Variants in GLRA2 observed in about 807,000 individuals in gnomAD.
GLRA2 encodes the protein glycine receptor subunit alpha-2.
A neutral mutation model predicts 31.6 loss-of-function variants in GLRA2; 11 were observed. The observed-to-expected ratio is 0.35, with a 90% confidence interval of 0.22 to 0.58. GLRA2 has a LOEUF of 0.58. Among genes scored for constraint, GLRA2 ranks in the 20% least tolerant of loss-of-function variants. The pLI is 0.84. For missense variants in GLRA2, 212 were observed against 351.8 expected (o/e 0.60, Z 3.18); for synonymous variants, 132 against 134.0 (o/e 0.99, Z 0.10).
At chrX:14,597,293 C>T (rs1162291691) in intron 4 of GLRA2, among the ~76,000 whole-genome samples, 1 of 112,065 alleles carries the variant, frequency 8.9e-6, no homozygotes, top group Non-Finnish European at 1.9e-5. Context: ...CAATAAATGT[C>T]TCACCTATCT....
At chrX:14,521,830 ATACCT>A in the GLRA2 span, among the ~76,000 whole-genome samples, 1 of 112,474 alleles carries the variant, frequency 8.9e-6, no homozygotes, top group Middle Eastern at 4.6e-3. Flanking sequence ...AATAATGCAC[ATACCT>A]TAATTTAAAA....
At chrX:14,718,627 T>C (rs2091823664) in intron 8 of GLRA2, among the ~76,000 whole-genome samples, 1 of 112,017 alleles carries the variant, frequency 8.9e-6, no homozygotes, top group African/African-American at 3.2e-5. Context: ...CAGTCATCTG[T>C]AGACTTGTTT....
the GLRA2 span, among the ~76,000 whole-genome samples, chrX:14,469,651 T>C: frequency 1.1e-5 from 1 of 87,127 alleles, no homozygotes; most frequent in African/African-American, 4.5e-5. Flanking sequence ...ACAATGAGAA[T>C]ACATGGACAC....
intron 7 of GLRA2, among the ~76,000 whole-genome samples, chrX:14,658,846 T>C (rs1392169827): frequency 8.9e-6 from 1 of 112,464 alleles, no homozygotes; most frequent in Non-Finnish European, 1.9e-5. Flanking sequence ...TATATTCTTA[T>C]CTATCATCAC....
chrX:14,562,702 G>A (rs113385007), intron 2 of GLRA2, among the ~76,000 whole-genome samples: 1 of 111,738 alleles, frequency 8.9e-6, no homozygotes, highest in Non-Finnish European at 1.9e-5. Context: ...TCACATGGTC[G>A]TTCCTCTGTG....
chrX:14,550,819 C>G (rs151236036), intron 2 of GLRA2, among the ~76,000 whole-genome samples: 2,119 of 112,068 alleles, frequency 0.019, 44 homozygotes, highest in African/African-American at 0.065. Context: ...GTATTATGCA[C>G]AATTCTCAGA....
the GLRA2 span, among the ~76,000 whole-genome samples, chrX:14,478,494 T>C: frequency 8.9e-6 from 1 of 112,107 alleles, no homozygotes; most frequent in African/African-American, 3.2e-5. Context: ...CCTATTTGTG[T>C]GGGTGTGTTT....
chrX:14,725,905 A>G (rs1379388855), intron 8 of GLRA2, among the ~76,000 whole-genome samples: 3 of 112,636 alleles, frequency 2.7e-5, no homozygotes, highest in South Asian at 7.3e-4. Context: ...GCATGTGTTG[A>G]AACCTTGACT....
intron 2 of GLRA2, among the ~76,000 whole-genome samples, chrX:14,571,218 A>G (rs1274157866): frequency 1.8e-5 from 2 of 112,065 alleles, no homozygotes. Flanking sequence ...AATCAATTAG[A>G]TGGGGTTAAC....
intron 7 of GLRA2, among the ~76,000 whole-genome samples, chrX:14,634,277 A>C (rs1033274532): frequency 1.2e-4 from 14 of 112,172 alleles, no homozygotes; most frequent in African/African-American, 4.5e-4. Context: ...GAGGATATAG[A>C]GCCAGATCAT....
intron 7 of GLRA2, among the ~76,000 whole-genome samples, chrX:14,686,134 C>T (rs1478644277): frequency 8.9e-6 from 1 of 111,935 alleles, no homozygotes; most frequent in Non-Finnish European, 1.9e-5. Context: ...GAGTGAGTTT[C>T]TTAATCCTGA....
Position 14,712,413 on chromosome X carries a change from A to T in GLRA2, c.1081-17794A>T, listed in dbSNP as rs748355159. On this transcript the variant is annotated intron_variant, in intron 8 of 8. Transcript: ENST00000218075. The stretch of plus-strand genomic sequence containing the variant: ...CGTCTACATGTTCTAGATCCTCTCC[A>T]CTAATCGCACACTGACTTCAAGTGC... Among the ~76,000 whole-genome samples, 5 of 111,508 alleles carry T rather than the reference A, an allele frequency of 4.5e-5. No individual in the cohort carries two copies. In the East Asian group the frequency reaches 1.4e-3, roughly 31 times the overall value.
At chrX:14,710,255 C>G (rs1036214228) in intron 8 of GLRA2, among the ~76,000 whole-genome samples, 2 of 112,177 alleles carry the variant, frequency 1.8e-5, no homozygotes, top group African/African-American at 6.5e-5. Context: ...CCACTGCAAA[C>G]AGCATTGACT....
chrX:14,557,126 T>C lies in GLRA2; in HGVS notation c.203-17207T>C, dbSNP rs947304901. Reference sequence around the variant, plus strand: ...TCTTTTTTTTTTTTTTTTTTTTTTTTTTTTTTTGAGACGGAGTCTCGCTCT... The same window carrying C: ...TCTTTTTTTTTTTTTTTTTTTTTTTCTTTTTTTGAGACGGAGTCTCGCTCT... On this transcript the variant is annotated intron_variant, in intron 2 of 8. Coordinates refer to ENST00000218075, the MANE Select transcript of GLRA2 (RefSeq NM_002063.4). 7.7e-3 allele frequency among the ~76,000 whole-genome samples: 514 copies of C among 66,642 alleles called. 9 individuals are homozygous for C. Among genetic ancestry groups the C allele is most frequent in the Non-Finnish European group, 0.011 (343 of 31,738 alleles). The allele number at this position is 66,642 out of a possible 115,157, so 57.9% of individuals were successfully genotyped here. A position where few individuals can be genotyped will look rare whatever the true frequency, so the allele number is the denominator to read the frequency against.
chrX:14,507,689 C>CTTTTTTTTTTTTTTTTT, the GLRA2 span, among the ~76,000 whole-genome samples: 45 of 46,636 alleles, frequency 9.6e-4, 6 homozygotes, highest in African/African-American at 2.0e-3. Context: ...GAAAGACATT[C>CTTTTTTTTTTTTTTTTT]TTTTTTTTTT....
chrX:14,492,582 C>T, the GLRA2 span, among the ~76,000 whole-genome samples: 3 of 111,662 alleles, frequency 2.7e-5, no homozygotes, highest in Non-Finnish European at 5.6e-5. Flanking sequence ...ACCAGAATAG[C>T]TTATTAAGCC....
chrX:14,681,929 A>G (rs1388583767), intron 7 of GLRA2, among the ~76,000 whole-genome samples: 1 of 84,670 alleles, frequency 1.2e-5, no homozygotes, highest in African/African-American at 4.1e-5. Flanking sequence ...ATATATATAT[A>G]TGTATATATA....
At chrX:14,589,692 T>TAC (rs1228639575) in intron 4 of GLRA2, among the ~76,000 whole-genome samples, 37 of 37,709 alleles carry the variant, frequency 9.8e-4, no homozygotes, top group African/African-American at 5.2e-3. Flanking sequence ...TATATATATA[T>TAC]GTATAGTGTA....
the GLRA2 span, among the ~76,000 whole-genome samples, chrX:14,513,754 A>T: frequency 9.0e-6 from 1 of 111,704 alleles, no homozygotes; most frequent in Non-Finnish European, 1.9e-5. Context: ...TAATCAAAAA[A>T]TCAAAAAATA....
Sources: allele counts gnomAD v4.1 joint callset (sites outside exome capture counted in the v4.1 genomes callset), GRCh38; gene constraint gnomAD v4.1.1; transcripts MANE v1.5; gene names NCBI Gene and HGNC (gene_info 2026-07-23, HGNC 2026-07-21).